Variants in PCDH7 observed in about 807,000 individuals in gnomAD.
The protein encoded by PCDH7 is protocadherin-7.
A neutral mutation model predicts 58.9 loss-of-function variants in PCDH7; 17 were observed. The ratio of observed to expected loss-of-function variants is 0.29; its 90% CI spans 0.20 to 0.43. The LOEUF (loss-of-function observed/expected upper bound fraction) is 0.43, where lower values mean the gene tolerates loss of function less well. Ranked by LOEUF, PCDH7 falls within the 20% of genes least tolerant of loss-of-function variation. PCDH7 has a pLI of 1.00. For missense variants in PCDH7, 1,274 were observed against 1,441.0 expected (o/e 0.88, Z 1.88); for synonymous variants, 664 against 616.4 (o/e 1.08, Z -1.14).
intron 1 of PCDH7, among the ~76,000 whole-genome samples, chr4:30,852,707 T>G (rs2109347630): frequency 6.6e-6 from 1 of 151,920 alleles, no homozygotes; most frequent in East Asian, 1.9e-4. Context: ...ATTTCAATAC[T>G]TTCCTGACAG....
intron 3 of PCDH7, among the ~76,000 whole-genome samples, chr4:30,955,772 C>T (rs1307262070): frequency 6.6e-6 from 1 of 151,644 alleles, no homozygotes; most frequent in Non-Finnish European, 1.5e-5. Flanking sequence ...TGGTCTCAAA[C>T]TCCTGATCTC....
chr4:30,989,751 G>A (rs951311261), intron 3 of PCDH7, among the ~76,000 whole-genome samples: 1 of 152,054 alleles, frequency 6.6e-6, no homozygotes, highest in Non-Finnish European at 1.5e-5. Context: ...TAGGGGTTAT[G>A]TTGTATATTT....
chr4:30,739,254 T>G (rs577125704), intron 1 of PCDH7, among the ~76,000 whole-genome samples: 8 of 149,392 alleles, frequency 5.4e-5, no homozygotes, highest in African/African-American at 2.0e-4. Context: ...AAGGGGAAAT[T>G]CCTCCTTCTT....
intron 3 of PCDH7, among the ~76,000 whole-genome samples, chr4:31,009,278 C>T (rs1048292441): frequency 6.6e-6 from 1 of 151,936 alleles, no homozygotes; most frequent in African/African-American, 2.4e-5. Context: ...CCACTTGCTT[C>T]CACTTTTTGG....
chr4:30,868,402 T>C (rs1735144564), intron 1 of PCDH7, among the ~76,000 whole-genome samples: 1 of 152,090 alleles, frequency 6.6e-6, no homozygotes, highest in Non-Finnish European at 1.5e-5. Flanking sequence ...CTGACTTAAG[T>C]TCCTTGCTGA....
intron 3 of PCDH7, among the ~76,000 whole-genome samples, chr4:31,092,026 G>A (rs1224251438): frequency 5.9e-5 from 9 of 151,718 alleles, no homozygotes; most frequent in African/African-American, 9.7e-5. Context: ...CTTCCCCCAC[G>A]CACGTGTTTA....
intron 3 of PCDH7, among the ~76,000 whole-genome samples, chr4:31,110,922 A>G (rs957531463): frequency 1.3e-5 from 2 of 152,076 alleles, no homozygotes; most frequent in Admixed American, 6.6e-5. Context: ...CTAAAAAAAA[A>G]AAAAAAAATT....
At chr4:30,911,013 A>G (rs1233316162) in intron 1 of PCDH7, among the ~76,000 whole-genome samples, 1 of 152,186 alleles carries the variant, frequency 6.6e-6, no homozygotes, top group Non-Finnish European at 1.5e-5. Context: ...TTGCATGGAC[A>G]TGGATGAAGT....
chr4:30,814,824 G>T (rs1371933353), intron 1 of PCDH7, among the ~76,000 whole-genome samples: 1 of 152,094 alleles, frequency 6.6e-6, no homozygotes, highest in Admixed American at 6.5e-5. Flanking sequence ...AGGTAAGAAT[G>T]TAAGAGTGAA....
chr4:30,788,558 T>C (rs1395917331), intron 1 of PCDH7, among the ~76,000 whole-genome samples: 1 of 152,156 alleles, frequency 6.6e-6, no homozygotes, highest in Admixed American at 6.5e-5. Context: ...AAAAAACTAC[T>C]TTATAAAATG....
chr4:31,130,849 A>C (rs1461383049), intron 3 of PCDH7, among the ~76,000 whole-genome samples: 1 of 152,154 alleles, frequency 6.6e-6, no homozygotes, highest in Non-Finnish European at 1.5e-5. Flanking sequence ...CCTGTGATTA[A>C]AAAATGGCTG....
chr4:30,736,035 G>A (rs1452829710), downstream of PCDH7, among the ~76,000 whole-genome samples: 1 of 152,134 alleles, frequency 6.6e-6, no homozygotes, highest in Non-Finnish European at 1.5e-5. Flanking sequence ...GAAAAAGAAA[G>A]CAGAAAAACT....
intron 3 of PCDH7, among the ~76,000 whole-genome samples, chr4:31,033,272 T>A (rs1188013386): frequency 6.6e-6 from 1 of 152,228 alleles, no homozygotes. Flanking sequence ...TCAATAGGTC[T>A]ATCAAACTAT....
chr4:31,006,594 A>G (rs1752783029), intron 3 of PCDH7, among the ~76,000 whole-genome samples: 1 of 152,156 alleles, frequency 6.6e-6, no homozygotes, highest in Non-Finnish European at 1.5e-5. Flanking sequence ...CTCATGCTTC[A>G]TAAGAAACAG....
chr4:31,025,035 G>A (rs181615174), intron 3 of PCDH7, among the ~76,000 whole-genome samples: 2 of 152,266 alleles, frequency 1.3e-5, no homozygotes, highest in East Asian at 3.9e-4. Context: ...GAGCCACTGC[G>A]CCCGGCCTGT....
At chr4:30,808,271 G>C (rs549413746) in intron 1 of PCDH7, among the ~76,000 whole-genome samples, 5 of 152,218 alleles carry the variant, frequency 3.3e-5, no homozygotes, top group African/African-American at 9.6e-5. Flanking sequence ...AAAATATTCG[G>C]TAATTTTTCT....
At chr4:30,970,647 G>A (rs2109472489) in intron 3 of PCDH7, among the ~76,000 whole-genome samples, 1 of 152,126 alleles carries the variant, frequency 6.6e-6, no homozygotes, top group South Asian at 2.1e-4. Context: ...ACACTTTTTG[G>A]AACACCAAAA....
intron 3 of PCDH7, among the ~76,000 whole-genome samples, chr4:31,136,286 T>C (rs1232163608): frequency 1.3e-5 from 2 of 152,206 alleles, no homozygotes; most frequent in Admixed American, 1.3e-4. Flanking sequence ...AACTCTTTTA[T>C]CCCACAATAA....
intron 1 of PCDH7, among the ~76,000 whole-genome samples, chr4:30,753,366 A>G (rs2109260762): frequency 6.6e-6 from 1 of 152,338 alleles, no homozygotes; most frequent in Non-Finnish European, 1.5e-5. Context: ...TAAGCTGGGA[A>G]CAGCATATTT....
Sources: gnomAD v4.1 joint callset for allele counts (sites outside exome capture counted in the v4.1 genomes callset) on GRCh38, gnomAD v4.1.1 for gene constraint, MANE v1.5 for transcripts, NCBI Gene and HGNC (gene_info 2026-07-23, HGNC 2026-07-21) for gene names.